The following XKR6 variants were observed in gnomAD, a reference collection of about 807,000 sequenced individuals.
The protein encoded by XKR6 is XK-related protein 6.
In XKR6, 22 loss-of-function variants were observed where a neutral mutation model predicts 56.7. The ratio of observed to expected loss-of-function variants is 0.39; its 90% CI spans 0.28 to 0.55. The LOEUF is 0.55. Ranked by LOEUF, XKR6 falls within the 20% of genes least tolerant of loss-of-function variation. XKR6 has a pLI of 0.66. For missense variants in XKR6, 852 were observed against 889.0 expected, an observed-to-expected ratio of 0.96 and a Z score of 0.53; for synonymous variants, 524 against 387.8, an observed-to-expected ratio of 1.35 and a Z score of -4.13.
chr8:11,025,250 CGAA>C (rs1784837759), intron 1 of XKR6, among the ~76,000 whole-genome samples: 1 of 152,194 alleles, frequency 6.6e-6, no homozygotes, highest in Non-Finnish European at 1.5e-5. Context: ...CATGTCTACT[CGAA>C]TAAAAACTTC....
rs1036362263 is a variant in XKR6 at position 11,051,342 on chromosome 8, G to A, written c.765-126512C>T. Among the ~76,000 whole-genome samples, 7 of 151,748 alleles carry A rather than the reference G, an allele frequency of 4.6e-5. 1 individual carries two copies. The highest frequency in any genetic ancestry group is 2.1e-4 in the South Asian group (1 of 4,786). On this transcript the variant is annotated intron_variant, in intron 1 of 2. Coordinates refer to ENST00000416569, the MANE Select transcript of XKR6 (RefSeq NM_173683.4). ...GTCTCCCCCTCGGTACTTTCCTTCC[G>A]ACCATGGATTTTAACATTATCTAGA...
intron 2 of XKR6, among the ~76,000 whole-genome samples, chr8:10,900,773 G>C (rs138380210): frequency 3.3e-5 from 5 of 151,974 alleles, no homozygotes; most frequent in Admixed American, 6.6e-5. Flanking sequence ...CACATTGTCT[G>C]TTAGGGTGCA....
At chr8:10,914,860 C>T (rs1447632671) in intron 2 of XKR6, among the ~76,000 whole-genome samples, 3 of 152,252 alleles carry the variant, frequency 2.0e-5, no homozygotes, top group Non-Finnish European at 2.9e-5. Flanking sequence ...TCTCTCCTCC[C>T]TGGCTGCCCT....
chr8:11,174,485 GC>G (rs1802555517), intron 1 of XKR6, among the ~76,000 whole-genome samples: 1 of 152,328 alleles, frequency 6.6e-6, no homozygotes, highest in Admixed American at 6.5e-5. Flanking sequence ...GCTGCCAGCT[GC>G]TGCCTAAATA....
At chr8:10,926,391 A>C (rs1800885832) in intron 1 of XKR6, among the ~76,000 whole-genome samples, 1 of 152,014 alleles carries the variant, frequency 6.6e-6, no homozygotes, top group South Asian at 2.1e-4. Context: ...CCAACTGATG[A>C]GGGGTGCCCG....
chr8:11,121,807 T>C (rs1330912897), intron 1 of XKR6, among the ~76,000 whole-genome samples: 1 of 152,222 alleles, frequency 6.6e-6, no homozygotes, highest in Admixed American at 6.5e-5. Context: ...AATGATAGAC[T>C]GGATTAAGAA....
intron 2 of XKR6, among the ~76,000 whole-genome samples, chr8:10,919,755 A>C (rs1800660228): frequency 6.6e-6 from 1 of 152,146 alleles, no homozygotes; most frequent in Admixed American, 6.5e-5. Flanking sequence ...ACCCTTTCAC[A>C]ACCCAGAACA....
chr8:11,170,999 C>A (rs1224235893), intron 1 of XKR6, among the ~76,000 whole-genome samples: 5 of 152,192 alleles, frequency 3.3e-5, no homozygotes, highest in Admixed American at 2.6e-4. Flanking sequence ...TTTAGATTAG[C>A]AATCTTGAAT....
intron 1 of XKR6, among the ~76,000 whole-genome samples, chr8:11,037,212 T>C (rs548317595): frequency 1.3e-5 from 2 of 152,238 alleles, no homozygotes; most frequent in South Asian, 2.1e-4. Context: ...ATTACATGAG[T>C]TGATCAAGAA....
intron 1 of XKR6, among the ~76,000 whole-genome samples, chr8:10,951,968 C>G (rs1801738155): frequency 6.6e-6 from 1 of 152,134 alleles, no homozygotes; most frequent in South Asian, 2.1e-4. Context: ...CTGCCCTCCT[C>G]TAGCTGGCTG....
At chr8:10,923,747 G>A (rs1369530100) in intron 2 of XKR6, among the ~76,000 whole-genome samples, 1 of 152,218 alleles carries the variant, frequency 6.6e-6, no homozygotes, top group Non-Finnish European at 1.5e-5. Context: ...GACCTGCGGG[G>A]TCTGGAGGTG....
intron 1 of XKR6, chr8:11,194,868 C>T (rs1165880685): frequency 4.4e-6 from 2 of 457,086 alleles, no homozygotes; most frequent in Non-Finnish European, 7.8e-6. Flanking sequence ...CAGATTTTGA[C>T]ACTTTGTTTC....
intron 1 of XKR6, among the ~76,000 whole-genome samples, chr8:11,113,663 TA>T (rs981698722): frequency 1.8e-4 from 27 of 151,962 alleles, no homozygotes; most frequent in Non-Finnish European, 7.4e-5. Flanking sequence ...CCCTATTGTT[TA>T]AAAAAAAATT....
At chr8:11,135,082 A>C (rs1800314766) in intron 1 of XKR6, among the ~76,000 whole-genome samples, 1 of 150,584 alleles carries the variant, frequency 6.6e-6, no homozygotes, top group Non-Finnish European at 1.5e-5. Flanking sequence ...GCCCAGGCTG[A>C]AGTGCAGTGG....
At chr8:11,158,125 T>G (rs1171664454) in intron 1 of XKR6, among the ~76,000 whole-genome samples, 1 of 152,192 alleles carries the variant, frequency 6.6e-6, no homozygotes, top group Admixed American at 6.5e-5. Context: ...AAGCATGGTG[T>G]TGTGCCAGGC....
At chr8:11,192,193 C>G (rs1803618215) in intron 1 of XKR6, among the ~76,000 whole-genome samples, 1 of 151,842 alleles carries the variant, frequency 6.6e-6, no homozygotes, top group Non-Finnish European at 1.5e-5. Flanking sequence ...GAGTCTCGCT[C>G]TGTCACTGAG....
At chr8:11,139,697 G>C (rs1800587020) in intron 1 of XKR6, among the ~76,000 whole-genome samples, 1 of 152,160 alleles carries the variant, frequency 6.6e-6, no homozygotes. Context: ...CTGGGAGAGG[G>C]GAAGCAGGAA....
intron 1 of XKR6, among the ~76,000 whole-genome samples, chr8:11,033,021 G>C (rs775730321): frequency 3.3e-5 from 5 of 152,104 alleles, no homozygotes; most frequent in Non-Finnish European, 7.4e-5. Context: ...AGGATGGTAA[G>C]GATGATGATG....
chr8:10,916,796 A>C (rs1256143579), intron 2 of XKR6, among the ~76,000 whole-genome samples: 1 of 152,198 alleles, frequency 6.6e-6, no homozygotes, highest in Non-Finnish European at 1.5e-5. Context: ...GAGAAAACCG[A>C]ATTGTCCTTC....
Sources: allele counts gnomAD v4.1 joint callset (sites outside exome capture counted in the v4.1 genomes callset), GRCh38; gene constraint gnomAD v4.1.1; transcripts MANE v1.5; gene names NCBI Gene and HGNC (gene_info 2026-07-23, HGNC 2026-07-21).